The following GALNT17 variants were observed in gnomAD, a reference collection of about 807,000 sequenced individuals.
The protein encoded by GALNT17 is UDP-GalNAc:polypeptide N-acetylgalactosaminyltransferase-like 3.
Under a neutral mutation model 63.7 loss-of-function variants are expected in GALNT17, and 29 were observed. The ratio of observed to expected loss-of-function variants is 0.46; its 90% CI spans 0.34 to 0.62. GALNT17 has a LOEUF of 0.62. Among genes scored for constraint, GALNT17 ranks in the 20% least tolerant of loss-of-function variants. The pLI, the probability that GALNT17 is intolerant of heterozygous loss-of-function variation, is 0.01. For missense variants in GALNT17, 603 were observed against 799.6 expected (o/e 0.75, Z 2.97); for synonymous variants, 305 against 318.3 (o/e 0.96, Z 0.45).
intron 3 of GALNT17, among the ~76,000 whole-genome samples, chr7:71,392,361 C>G (rs1164181095): frequency 6.6e-6 from 1 of 152,126 alleles, no homozygotes; most frequent in Non-Finnish European, 1.5e-5. Context: ...CCAGTGTAAA[C>G]TCAGACCTCA....
chr7:71,418,459 G>T (rs1398400758), intron 4 of GALNT17, among the ~76,000 whole-genome samples: 3 of 152,190 alleles, frequency 2.0e-5, no homozygotes, highest in Non-Finnish European at 4.4e-5. Context: ...AGCTGCGGTT[G>T]TCTGGCTGTG....
chr7:71,483,773 ACT>A (rs920824320), intron 5 of GALNT17, among the ~76,000 whole-genome samples: 2 of 152,130 alleles, frequency 1.3e-5, no homozygotes, highest in Non-Finnish European at 2.9e-5. Flanking sequence ...ATTTTTGGAC[ACT>A]CTGACAATAA....
chr7:71,336,032 CTTTTTTTTTTT>C (rs1167623885), intron 2 of GALNT17, among the ~76,000 whole-genome samples: 2 of 21,288 alleles, frequency 9.4e-5, no homozygotes, highest in Admixed American at 5.6e-4. Context: ...TTCTTTCTTC[CTTTTTTTTTTT>C]TTTTTTTTTT....
chr7:71,702,156 G>A (rs1428731379), intron 9 of GALNT17, among the ~76,000 whole-genome samples: 1 of 151,756 alleles, frequency 6.6e-6, no homozygotes, highest in Non-Finnish European at 1.5e-5. Flanking sequence ...GAGGGTAAGG[G>A]TTGAAAAGTG....
At chr7:71,372,205 C>T (rs1563043006) in intron 2 of GALNT17, among the ~76,000 whole-genome samples, 1 of 152,084 alleles carries the variant, frequency 6.6e-6, no homozygotes, top group African/African-American at 2.4e-5. Flanking sequence ...GTTGCCCAGG[C>T]CCAGGCCCGA....
intron 1 of GALNT17, among the ~76,000 whole-genome samples, chr7:71,139,438 A>T (rs1787845405): frequency 6.6e-6 from 1 of 152,206 alleles, no homozygotes; most frequent in African/African-American, 2.4e-5. Flanking sequence ...TTTCAGAAGG[A>T]TAGTGAATAG....
intron 5 of GALNT17, among the ~76,000 whole-genome samples, chr7:71,516,692 C>T (rs1488357177): frequency 6.6e-6 from 1 of 152,114 alleles, no homozygotes; most frequent in Non-Finnish European, 1.5e-5. Context: ...AAGGGCTGGG[C>T]AGGTGCTTTT....
At chr7:71,530,348 G>GCA (rs199651274) in intron 5 of GALNT17, among the ~76,000 whole-genome samples, 1 of 151,606 alleles carries the variant, frequency 6.6e-6, no homozygotes, top group East Asian at 1.9e-4. Flanking sequence ...ACACACACAC[G>GCA]CACACACACA....
chr7:71,585,177 C>T (rs1242308386), intron 6 of GALNT17, among the ~76,000 whole-genome samples: 2 of 152,154 alleles, frequency 1.3e-5, no homozygotes, highest in African/African-American at 4.8e-5. Flanking sequence ...ACTTTAAGCT[C>T]TGCTATGAAC....
intron 6 of GALNT17, among the ~76,000 whole-genome samples, chr7:71,600,410 G>T (rs1258902277): frequency 1.3e-5 from 2 of 152,078 alleles, no homozygotes; most frequent in African/African-American, 4.8e-5. Context: ...GGAGGATCAG[G>T]CAGGGGATTA....
intron 6 of GALNT17, among the ~76,000 whole-genome samples, chr7:71,656,809 G>A (rs774633646): frequency 6.6e-6 from 1 of 152,162 alleles, no homozygotes; most frequent in Non-Finnish European, 1.5e-5. Context: ...TTTCTTTCTG[G>A]TATATGTAGC....
At chr7:71,701,862 T>TACAC (rs1791648983) in intron 9 of GALNT17, among the ~76,000 whole-genome samples, 3 of 88,536 alleles carry the variant, frequency 3.4e-5, no homozygotes, top group Non-Finnish European at 4.9e-5. Context: ...TATACACATA[T>TACAC]ATATATACAT....
At chr7:71,188,982 ATG>A (rs1194912788) in intron 1 of GALNT17, among the ~76,000 whole-genome samples, 5 of 152,170 alleles carry the variant, frequency 3.3e-5, no homozygotes, top group African/African-American at 9.7e-5. Flanking sequence ...AGAAGAAAAA[ATG>A]AGGTTTCAAA....
chr7:71,420,867 G>A, intron 4 of GALNT17, 41 bp from the exon 5 acceptor site: 2 of 1,605,124 alleles, frequency 1.2e-6, no homozygotes, highest in Non-Finnish European at 1.7e-6. Context: ...GTGCCTCACG[G>A]GAGAGAAGAG....
intron 5 of GALNT17, among the ~76,000 whole-genome samples, chr7:71,564,922 A>G (rs552237192): frequency 6.6e-6 from 1 of 152,228 alleles, no homozygotes; most frequent in Non-Finnish European, 1.5e-5. Flanking sequence ...GCTTTCTCTC[A>G]TTACCACACA....
chr7:71,624,339 A>T (rs962291054), intron 6 of GALNT17, among the ~76,000 whole-genome samples: 3 of 152,214 alleles, frequency 2.0e-5, no homozygotes, highest in African/African-American at 7.2e-5. Context: ...TGAAAACCAC[A>T]GCAGAAGAGC....
intron 5 of GALNT17, among the ~76,000 whole-genome samples, chr7:71,487,217 G>T (rs556334611): frequency 2.6e-5 from 4 of 152,134 alleles, no homozygotes; most frequent in Admixed American, 6.5e-5. Context: ...TTGCTGCCAG[G>T]GATGGGGCCT....
At chr7:71,250,546 C>T (rs1348185004) in intron 1 of GALNT17, among the ~76,000 whole-genome samples, 1 of 152,184 alleles carries the variant, frequency 6.6e-6, no homozygotes, top group Non-Finnish European at 1.5e-5. Flanking sequence ...GTGCACCTGT[C>T]TCTGTAAGCT....
intron 5 of GALNT17, among the ~76,000 whole-genome samples, chr7:71,451,695 C>T (rs1223308254): frequency 6.6e-6 from 1 of 151,742 alleles, no homozygotes; most frequent in African/African-American, 2.4e-5. Context: ...TATGTATTTC[C>T]CTCAAGTATG....
Sources: allele counts gnomAD v4.1 joint callset (sites outside exome capture counted in the v4.1 genomes callset), GRCh38; gene constraint gnomAD v4.1.1; transcripts MANE v1.5; gene names NCBI Gene and HGNC (gene_info 2026-07-23, HGNC 2026-07-21).